The following C4orf54 variants were observed in gnomAD, a reference collection of about 807,000 sequenced individuals.
The protein encoded by C4orf54 is chromosome 4 open reading frame 54, also known as uncharacterized protein C4orf54.
A neutral mutation model predicts 80.1 loss-of-function variants in C4orf54; 67 were observed. The observed-to-expected ratio is 0.84, with a 90% CI of 0.69 to 1.03. The LOEUF is 1.03. Among genes scored for constraint, C4orf54 ranks in the 50% least tolerant of loss-of-function variants. C4orf54 has a pLI of 0.00. For missense variants in C4orf54, 2,434 were observed against 2,253.5 expected (o/e 1.08, Z -1.62); for synonymous variants, 1,000 against 917.0 (o/e 1.09, Z -1.64).
At chr4:99,654,942 C>T (rs548427115) in intron 1 of C4orf54, among the ~76,000 whole-genome samples, 128 of 152,220 alleles carry the variant, frequency 8.4e-4, no homozygotes, top group African/African-American at 2.9e-3. Context: ...TAAATGGTTC[C>T]CCCCACTTGT....
rs1726775853 is a variant in C4orf54 at position 99,650,013 on chromosome 4, G to C, written c.4636C>G (p.Pro1546Ala). The C allele has an allele frequency of 6.5e-7, 1 of 1,534,726 alleles. No individual in the cohort carries two copies. The highest frequency in any genetic ancestry group is 1.4e-5 in the African/African-American group (1 of 72,932). Residue 1546 changes from proline to alanine, a missense_variant, in exon 2 of 3, where the codon CCC (proline) becomes GCC (alanine). Transcript: ENST00000511828. ...TGCTCGGGGCTCTGTGGCCCTGGGGGGGCAGCTACTGTCTCCCGGGGGTTG... is the reference window on the plus strand; with the variant it reads ...TGCTCGGGGCTCTGTGGCCCTGGGGCGGCAGCTACTGTCTCCCGGGGGTTG... ...PDNPRETVAA[P>A]PGPQSPEHPP...
At chr4:99,641,520 A>C (rs1347863822) in intron 2 of C4orf54, among the ~76,000 whole-genome samples, 1 of 152,144 alleles carries the variant, frequency 6.6e-6, no homozygotes, top group African/African-American at 2.4e-5. Flanking sequence ...ATTATAATAG[A>C]TATGTTTCTA....
At chr4:99,643,192 G>A (rs570806491) in intron 2 of C4orf54, among the ~76,000 whole-genome samples, 1 of 152,124 alleles carries the variant, frequency 6.6e-6, no homozygotes, top group African/African-American at 2.4e-5. Flanking sequence ...CACCTACTAC[G>A]AGCAATGTAC....
At position 99,650,393 on chromosome 4, in the gene C4orf54, G is replaced by C; in HGVS notation, c.4256C>G (p.Pro1419Arg). 2.6e-6 allele frequency: 4 copies of C among 1,536,064 alleles called. No individual in the cohort carries two copies. The highest frequency in any genetic ancestry group is 3.5e-6 in the Non-Finnish European group (4 of 1,146,888). Reference protein sequence around the residue: ...GGVAGKFPQGPSPESPSAAKG... With the variant: ...GGVAGKFPQGRSPESPSAAKG... ...AGCTGCTGAAGGACTCTCCGGAGAA[G>C]GCCCTTGTGGGAACTTGCCAGCGAC... The change falls in exon 2 of 3, where the codon CCT becomes CGT. Residue 1419 changes from proline (P) to arginine (R), a missense_variant. Pro to Arg is a moderately radical substitution (Grantham distance 103). Coordinates refer to ENST00000511828, the MANE Select transcript of C4orf54 (RefSeq NM_001354435.2).
In C4orf54 at chr4:99,654,081, G is replaced by T. The variant is rs1276164322; in HGVS notation, c.568C>A (p.Arg190=). ...PLPKPSASSQ[R]EAKYVDMCAS... ...CACATGTCCACATATTTCGCTTCTC[G>T]CTGGGAGGAGGCTGAAGGCTTGGGA... The change falls in exon 2 of 3, where the codon CGA becomes AGA. Residue 190 remains arginine (R), a synonymous_variant. Transcript: ENST00000511828. 5.9e-6 allele frequency: 9 copies of T among 1,536,134 alleles called. No homozygotes were observed. Among genetic ancestry groups the T allele is most frequent in the Non-Finnish European group, 7.0e-6 (8 of 1,146,920 alleles).
At position 99,650,811 on chromosome 4, in the gene C4orf54, C is replaced by A; in HGVS notation, c.3838G>T (p.Asp1280Tyr). 1.3e-6 allele frequency: 2 copies of A among 1,536,162 alleles called. No homozygotes were observed. Among genetic ancestry groups the A allele is most frequent in the Non-Finnish European group, 1.7e-6 (2 of 1,146,912 alleles). ...FNRNEWKRKS[D>Y]PLPMMMDSHV... ...CTGTCCATCATCATAGGCAAGGGGT[C>A]GCTTTTGCGCTTCCACTCGTTCCTG... The change falls in exon 2 of 3, where the codon GAC becomes TAC. Residue 1280 changes from aspartate to tyrosine, a missense_variant. Transcript: ENST00000511828.
At chr4:99,648,054 T>TTTTC (rs994117373) in intron 2 of C4orf54, among the ~76,000 whole-genome samples, 1 of 148,398 alleles carries the variant, frequency 6.7e-6, no homozygotes, top group African/African-American at 2.4e-5. Flanking sequence ...TTTTTTTTCT[T>TTTTC]TTTTTTTTTT....
chr4:99,655,605 C>T (rs1726966963), intron 1 of C4orf54, among the ~76,000 whole-genome samples: 1 of 152,150 alleles, frequency 6.6e-6, no homozygotes, highest in African/African-American at 2.4e-5. Context: ...AGCCAAAATC[C>T]CCGTTCACTG....
chr4:99,638,352 G>T lies in C4orf54; in HGVS notation c.*2881C>A, dbSNP rs1030578870. ...TAAATTTTTATACGGTTACACATGT[G>T]TTCAGTTTTCCAGAAATGATTGAAA... is the stretch of plus-strand genomic sequence containing the variant. On this transcript the variant is annotated 3_prime_UTR_variant, in exon 3 of 3. Coordinates refer to ENST00000511828, the MANE Select transcript of C4orf54 (RefSeq NM_001354435.2). 6.6e-6 allele frequency: 1 copy of T among 151,992 alleles called. No individual in the cohort carries two copies. The highest frequency in any genetic ancestry group is 2.4e-5 in the African/African-American group (1 of 41,384). The allele number at this position is 151,992 out of a possible 1,614,324, so 9.4% of individuals were successfully genotyped here. A position where few individuals can be genotyped will look rare whatever the true frequency, so the allele number is the denominator to read the frequency against.
rs1002381138 is a variant in C4orf54 at position 99,652,492 on chromosome 4, G to C, written c.2157C>G (p.Phe719Leu). Residue 719 changes from phenylalanine to leucine, a missense_variant, in exon 2 of 3, where the codon TTC becomes TTG. Physicochemically the swap from Phe to Leu is conservative, Grantham distance 22 (BLOSUM62 0). Transcript: ENST00000511828. The part of the protein sequence containing the change: ...SKKSQTKALE[F>L]VVSKVEGEIK... ...TTTCCCCCTCGACTTTGCTGACCAC[G>C]AACTCCAAGGCCTTGGTCTGAGACT... The C allele has an allele frequency of 2.0e-6, 3 of 1,535,788 alleles. No individual in the cohort carries two copies. The highest frequency in any genetic ancestry group is 2.6e-6 in the Non-Finnish European group (3 of 1,146,692).
chr4:99,652,529 A>T lies in C4orf54; in HGVS notation c.2120T>A (p.Ile707Asn). 1 of 1,535,966 alleles carries T rather than the reference A, an allele frequency of 6.5e-7. No individual in the cohort carries two copies. The highest frequency in any genetic ancestry group is 8.7e-7 in the Non-Finnish European group (1 of 1,146,870). ...CTTGGTCTGAGACTTCTTGGACTGG[A>T]TGTAGAGCTGGTCGGCAGTGGCCCG... ...GARATADQLY[I>N]QSKKSQTKAL... Residue 707 changes from isoleucine to asparagine, a missense_variant, in exon 2 of 3, where the codon ATC becomes AAC. Physicochemically the swap from Ile to Asn is moderately radical, Grantham distance 149. Transcript: ENST00000511828.
chr4:99,649,714 ATCC>A lies in C4orf54; in HGVS notation c.4932_4934del (p.Asp1645del). The stretch of plus-strand genomic sequence containing the variant: ...CCTGCTGCTGGGAGGTCATGGGCAC[ATCC>A]ACATACTGCCCTGTCTCAGGGTCAA... On this transcript the variant is annotated inframe_deletion, in exon 2 of 3. Coordinates refer to ENST00000511828, the MANE Select transcript of C4orf54 (RefSeq NM_001354435.2). The A allele has an allele frequency of 6.5e-7, 1 of 1,536,168 alleles. No individual in the cohort carries two copies. Among genetic ancestry groups the A allele is most frequent in the East Asian group, 2.4e-5 (1 of 40,916 alleles).
chr4:99,654,297 G>A lies in C4orf54; in HGVS notation c.352C>T (p.Arg118Trp), dbSNP rs1307387303. The A allele has an allele frequency of 1.2e-5, 18 of 1,529,014 alleles. No homozygotes were observed. In the East Asian group the frequency reaches 3.2e-4, roughly 27 times the overall value. The allele number at this position is 1,529,014 out of a possible 1,614,324, so 94.7% of individuals were successfully genotyped here. The change falls in exon 2 of 3, where the codon CGG becomes TGG. Residue 118 changes from arginine (R) to tryptophan (W), a missense_variant. By Grantham distance (101) the Arg-to-Trp change is moderately radical (BLOSUM62 -3). Transcript: ENST00000511828. ...AAGTCTTGGGTCCGTCTCTGGCCCC[G>A]GAGGGGCTGCAGAGTTGCCCGAAGC... ...TLLRATLQPL[R>W]GQRRTQDFPS...
Position 99,651,925 on chromosome 4 carries a change from T to C in C4orf54, c.2724A>G (p.Ala908=), listed in dbSNP as rs1190620395. Residue 908 remains alanine, a synonymous_variant, in exon 2 of 3, where the codon GCA becomes GCG. Transcript: ENST00000511828. ...CATCGGTGAAATTCCGGCCAGGGCC[T>C]GCGTTGCGCTCGCGAGGAGTACTGG... The part of the protein sequence containing the change: ...FKASTPRERN[A]GPGRNFTDGH... 15 of 1,536,142 alleles carry C rather than the reference T, an allele frequency of 9.8e-6. No individual in the cohort carries two copies. The highest frequency in any genetic ancestry group is 1.3e-5 in the Non-Finnish European group (15 of 1,146,904).
At position 99,654,088 on chromosome 4, in the gene C4orf54, G is replaced by A. The variant is rs1339766319; in HGVS notation, c.561C>T (p.Ser187=). 7.2e-6 allele frequency: 11 copies of A among 1,536,158 alleles called. No homozygotes were observed. Among genetic ancestry groups the A allele is most frequent in the Non-Finnish European group, 9.6e-6 (11 of 1,146,912 alleles). ...QLWPLPKPSA[S]SQREAKYVDM... The stretch of plus-strand genomic sequence containing the variant: ...CCACATATTTCGCTTCTCGCTGGGA[G>A]GAGGCTGAAGGCTTGGGAAGTGGCC... The change falls in exon 2 of 3, where the codon TCC becomes TCT. Residue 187 remains serine, a synonymous_variant. Coordinates refer to ENST00000511828, the MANE Select transcript of C4orf54 (RefSeq NM_001354435.2).
chr4:99,650,929 G>T lies in C4orf54; in HGVS notation c.3720C>A (p.Val1240=), dbSNP rs1726808625. Residue 1240 remains valine, a synonymous_variant, in exon 2 of 3, where the codon GTC becomes GTA. Coordinates refer to ENST00000511828, the MANE Select transcript of C4orf54 (RefSeq NM_001354435.2). The stretch of plus-strand genomic sequence containing the variant: ...GCTTCGTGGCTTTCCCTTCCTCCTT[G>T]ACCTCCTCCTCCTTGAGCTTCTCTG... ...KTPEKLKEEE[V]KEEGKATKPA... The T allele has an allele frequency of 6.5e-7, 1 of 1,535,864 alleles. No homozygotes were observed. The highest frequency in any genetic ancestry group is 2.0e-5 in the Admixed American group (1 of 50,964).
rs560848232 is a variant in C4orf54, at chr4:99,655,175, C to T, written c.-31-496G>A. Among the ~76,000 whole-genome samples, 18 of 152,252 alleles carry T rather than the reference C, an allele frequency of 1.2e-4. No homozygotes were observed. The South Asian group carries it at 2.7e-3, about 23-fold the overall frequency. Reference sequence around the variant, plus strand: ...CCCCAAAGTTACACTCTATGAAACACGACCTGTTTGGTTCAAAATAGAAGA... The same window carrying T: ...CCCCAAAGTTACACTCTATGAAACATGACCTGTTTGGTTCAAAATAGAAGA... On this transcript the variant is annotated intron_variant, in intron 1 of 2. Transcript: ENST00000511828.
chr4:99,655,120 T>C (rs960299456), intron 1 of C4orf54, among the ~76,000 whole-genome samples: 3 of 152,206 alleles, frequency 2.0e-5, no homozygotes, highest in African/African-American at 7.2e-5. Context: ...GTAAAACTTT[T>C]CATAAGAATA....
rs1449601420 is a variant in C4orf54 at position 99,654,515 on chromosome 4, C to T, written c.134G>A (p.Arg45Lys). The T allele has an allele frequency of 4.3e-6, 3 of 703,506 alleles. No individual in the cohort carries two copies. In the South Asian group the frequency reaches 4.4e-5, roughly 10 times the overall value. The allele number at this position is 703,506 out of a possible 1,614,324, so 43.6% of individuals were successfully genotyped here. Residue 45 changes from arginine (R) to lysine (K), a missense_variant, in exon 2 of 3, where the codon AGA (arginine) becomes AAA (lysine). By Grantham distance (26) the Arg-to-Lys change is conservative (BLOSUM62 2). Coordinates refer to ENST00000511828, the MANE Select transcript of C4orf54 (RefSeq NM_001354435.2). Reference protein sequence around the residue: ...ANNWTGQLSYRTLATVSAGAA... With the variant: ...ANNWTGQLSYKTLATVSAGAA... ...TCCGGCCGAGACTGTGGCCAGTGTT[C>T]TGTAGCTGAGCTGTCCTGTCCAGTT...
Sources: gnomAD v4.1 joint callset for allele counts (sites outside exome capture counted in the v4.1 genomes callset) on GRCh38, gnomAD v4.1.1 for gene constraint, MANE v1.5 for transcripts, NCBI Gene and HGNC (gene_info 2026-07-23, HGNC 2026-07-21) for gene names.